The following NCK2 variants were observed in gnomAD, a reference collection of about 807,000 sequenced individuals.
NCK2 encodes the protein cytoplasmic protein NCK2.
Under a neutral mutation model 33.9 loss-of-function variants are expected in NCK2, and 16 were observed. The observed-to-expected ratio is 0.47, with a 90% CI of 0.32 to 0.72. NCK2 has a LOEUF of 0.72. NCK2 is among the 30% of genes least tolerant of loss of function. The pLI is 0.03. For synonymous variants in NCK2, 273 were observed against 239.9 expected, an observed-to-expected ratio of 1.14 and a Z score of -1.27; for missense variants, 418 against 537.3, an observed-to-expected ratio of 0.78 and a Z score of 2.19.
intron 1 of NCK2, among the ~76,000 whole-genome samples, chr2:105,799,516 G>A (rs1424553586): frequency 3.3e-5 from 5 of 152,082 alleles, no homozygotes; most frequent in African/African-American, 9.7e-5. Flanking sequence ...ATTCCCAGAG[G>A]CCTCTGGGTC....
rs1297476188 is a variant in NCK2 at position 105,774,016 on chromosome 2, T to TTG, written c.-201+28879_-201+28880insGT. The stretch of plus-strand genomic sequence containing the variant: ...ATGTGGATTTTTCCAGCTATCTTTT[T>TTG]TTTTTTTTTTGAGACGGAGTCTCGC... On this transcript the variant is annotated intron_variant, in intron 1 of 4. Transcript: ENST00000233154. 1.9e-3 allele frequency among the ~76,000 whole-genome samples: 286 copies of TTG among 151,456 alleles called. 2 individuals are homozygous for TTG. Among genetic ancestry groups the TTG allele is most frequent in the Non-Finnish European group, 3.8e-3 (259 of 67,710 alleles).
intron 1 of NCK2, among the ~76,000 whole-genome samples, chr2:105,762,415 GTC>G: frequency 6.6e-6 from 1 of 152,192 alleles, no homozygotes; most frequent in Admixed American, 6.5e-5. Flanking sequence ...GGTTCAGTCT[GTC>G]TCTTCTGTAG....
chr2:105,797,723 G>C (rs775810979), intron 1 of NCK2, among the ~76,000 whole-genome samples: 1 of 152,168 alleles, frequency 6.6e-6, no homozygotes, highest in Admixed American at 6.5e-5. Context: ...AAAGTCTTTC[G>C]TAACCATGAT....
intron 2 of NCK2, among the ~76,000 whole-genome samples, chr2:105,827,851 CAGAG>C (rs900824193): frequency 2.0e-5 from 3 of 152,118 alleles, no homozygotes; most frequent in Admixed American, 6.5e-5. Context: ...GGGATAATGT[CAGAG>C]AGATTTCTGT....
chr2:105,827,500 T>A (rs1027118421), intron 2 of NCK2, among the ~76,000 whole-genome samples: 3 of 152,146 alleles, frequency 2.0e-5, no homozygotes, highest in Admixed American at 1.3e-4. Flanking sequence ...CCACCATCAA[T>A]TAATATTATC....
chr2:105,807,203 C>A (rs999812494), intron 1 of NCK2, among the ~76,000 whole-genome samples: 2 of 152,202 alleles, frequency 1.3e-5, no homozygotes, highest in Non-Finnish European at 2.9e-5. Context: ...ACAGCTCACT[C>A]TGGGTGTTAC....
chr2:105,781,049 T>A (rs554024883), intron 1 of NCK2, among the ~76,000 whole-genome samples: 2 of 152,226 alleles, frequency 1.3e-5, no homozygotes, highest in East Asian at 3.8e-4. Context: ...GTGGTCTTCC[T>A]GTCTTCTTGC....
intron 3 of NCK2, among the ~76,000 whole-genome samples, chr2:105,870,856 A>G (rs903988242): frequency 1.3e-5 from 2 of 152,186 alleles, no homozygotes; most frequent in Admixed American, 1.3e-4. Flanking sequence ...CACCAGACAC[A>G]GCCAGTAACA....
chr2:105,871,340 T>G lies in NCK2; in HGVS notation c.227-9988T>G, dbSNP rs3754803. On this transcript the variant is annotated intron_variant, in intron 3 of 4. Coordinates refer to ENST00000233154, the MANE Select transcript of NCK2 (RefSeq NM_003581.5). ...CAGGCGCTGCGCCACGTTATTGTAG[T>G]GCTGGTTACTGATCAAGGTGCTCCG... 2.0e-5 allele frequency among the ~76,000 whole-genome samples: 3 copies of G among 152,046 alleles called. No individual in the cohort carries two copies. The East Asian group carries it at 5.8e-4, about 30-fold the overall frequency.
At chr2:105,841,683 A>G (rs1036513804) in intron 2 of NCK2, among the ~76,000 whole-genome samples, 2 of 151,318 alleles carry the variant, frequency 1.3e-5, no homozygotes, top group African/African-American at 4.8e-5. Context: ...CTTTCTGGTG[A>G]CCAACCCCAT....
At chr2:105,784,858 A>G (rs1288220832) in intron 1 of NCK2, among the ~76,000 whole-genome samples, 1 of 152,260 alleles carries the variant, frequency 6.6e-6, no homozygotes, top group African/African-American at 2.4e-5. Context: ...AGAATAGGAT[A>G]CACGAGTAAA....
intron 3 of NCK2, among the ~76,000 whole-genome samples, chr2:105,870,732 C>G (rs1235803976): frequency 6.6e-6 from 1 of 151,368 alleles, no homozygotes; most frequent in African/African-American, 2.4e-5. Context: ...GCCTGGGTGA[C>G]ACAGTGAGAC....
chr2:105,778,782 G>T (rs1461576078), intron 1 of NCK2, among the ~76,000 whole-genome samples: 2 of 152,070 alleles, frequency 1.3e-5, no homozygotes, highest in African/African-American at 2.4e-5. Flanking sequence ...GAGTGCAGTG[G>T]TGTGATCATA....
intron 1 of NCK2, among the ~76,000 whole-genome samples, chr2:105,758,599 G>A (rs774685949): frequency 6.6e-6 from 1 of 151,712 alleles, no homozygotes; most frequent in Admixed American, 6.6e-5. Context: ...TAGTAGAGAC[G>A]GGGTTTCACC....
chr2:105,754,976 C>CT (rs1406122585), intron 1 of NCK2, among the ~76,000 whole-genome samples: 2 of 151,938 alleles, frequency 1.3e-5, no homozygotes, highest in Non-Finnish European at 2.9e-5. Flanking sequence ...TCTCCCCTCA[C>CT]TTTTTTGTGT....
intron 1 of NCK2, among the ~76,000 whole-genome samples, chr2:105,797,196 G>A (rs1359448938): frequency 1.3e-5 from 2 of 152,062 alleles, no homozygotes; most frequent in Non-Finnish European, 2.9e-5. Context: ...TTTCTGTCTG[G>A]CCAAATTCAG....
intron 1 of NCK2, among the ~76,000 whole-genome samples, chr2:105,807,767 T>TCTCCCTCCCTCCCTCCCTTCCCTGTATCC (rs1675119497): frequency 1.2e-4 from 1 of 8,306 alleles, no homozygotes. Context: ...CCCTCCCTTC[T>TCTCCCTCCCTCCCTCCCTTCCCTGTATCC]CTCCCTCCCT....
At chr2:105,891,250 ACT>A (rs1338148526) in intron 4 of NCK2, among the ~76,000 whole-genome samples, 1 of 148,970 alleles carries the variant, frequency 6.7e-6, no homozygotes, top group African/African-American at 2.5e-5. Context: ...CTTTCATGCA[ACT>A]CTTTTTTTTG....
intron 1 of NCK2, among the ~76,000 whole-genome samples, chr2:105,811,052 G>C (rs1675277658): frequency 6.6e-6 from 1 of 151,708 alleles, no homozygotes; most frequent in African/African-American, 2.4e-5. Flanking sequence ...GGGTGTGCCT[G>C]TAGTCCCAGC....
Sources: allele counts gnomAD v4.1 joint callset (sites outside exome capture counted in the v4.1 genomes callset), GRCh38; gene constraint gnomAD v4.1.1; transcripts MANE v1.5; gene names NCBI Gene and HGNC (gene_info 2026-07-23, HGNC 2026-07-21).